The following IMMP2L variants were observed in gnomAD, a reference collection of about 807,000 sequenced individuals.
IMMP2L encodes inner mitochondrial membrane peptidase subunit 2.
A neutral mutation model predicts 19.3 loss-of-function variants in IMMP2L; 18 were observed. That is an observed-to-expected ratio of 0.93 (90% confidence interval 0.64 to 1.38). The LOEUF (loss-of-function observed/expected upper bound fraction) is 1.38, where lower values mean the gene tolerates loss of function less well. Among genes scored for constraint, IMMP2L ranks in the 40% most tolerant of loss-of-function variants. The pLI, the probability that IMMP2L is intolerant of heterozygous loss-of-function variation, is 0.00. For missense variants in IMMP2L, 233 were observed against 218.2 expected (o/e 1.07, Z -0.43); for synonymous variants, 76 against 73.0 (o/e 1.04, Z -0.21).
At chr7:111,396,679 G>A (rs1158300048) in intron 3 of IMMP2L, among the ~76,000 whole-genome samples, 2 of 152,076 alleles carry the variant, frequency 1.3e-5, no homozygotes, top group Non-Finnish European at 2.9e-5. Context: ...AAATGAAAAA[G>A]AATAGATAAA....
chr7:111,393,665 T>A (rs192453338), intron 3 of IMMP2L, among the ~76,000 whole-genome samples: 1 of 152,176 alleles, frequency 6.6e-6, no homozygotes, highest in Admixed American at 6.5e-5. Flanking sequence ...TTTCTCAATG[T>A]TCTTTTTCTG....
intron 3 of IMMP2L, among the ~76,000 whole-genome samples, chr7:111,174,854 C>T (rs932189166): frequency 6.6e-6 from 1 of 151,720 alleles, no homozygotes; most frequent in East Asian, 1.9e-4. Context: ...ATATAACACT[C>T]AGCATTAAAA....
intron 4 of IMMP2L, chr7:110,963,153 G>C (rs898912293): frequency 2.7e-5 from 36 of 1,354,490 alleles, no homozygotes; most frequent in Non-Finnish European, 3.2e-5. Flanking sequence ...AAATGTTCTT[G>C]AATTTTTTTA....
At chr7:111,283,489 G>A (rs1468220324) in intron 3 of IMMP2L, among the ~76,000 whole-genome samples, 2 of 152,172 alleles carry the variant, frequency 1.3e-5, no homozygotes, top group South Asian at 4.1e-4. Flanking sequence ...AGGTGTTGAA[G>A]TGAATGATAA....
chr7:110,820,513 T>C (rs2131329580), intron 5 of IMMP2L, among the ~76,000 whole-genome samples: 1 of 152,116 alleles, frequency 6.6e-6, no homozygotes, highest in Non-Finnish European at 1.5e-5. Flanking sequence ...ACACAGTAAC[T>C]AGTAAGTATT....
chr7:111,349,157 A>G (rs568542159), intron 3 of IMMP2L, among the ~76,000 whole-genome samples: 63 of 152,270 alleles, frequency 4.1e-4, no homozygotes, highest in Admixed American at 4.1e-3. Flanking sequence ...CCAGAGCTCT[A>G]ATTACCAGAA....
At chr7:111,212,736 G>A (rs1811462836) in intron 3 of IMMP2L, among the ~76,000 whole-genome samples, 1 of 152,184 alleles carries the variant, frequency 6.6e-6, no homozygotes, top group Non-Finnish European at 1.5e-5. Context: ...AAAAATAATT[G>A]TTACACACAG....
intron 1 of IMMP2L, among the ~76,000 whole-genome samples, chr7:111,529,623 G>T (rs1563317125): frequency 6.6e-6 from 1 of 152,084 alleles, no homozygotes; most frequent in South Asian, 2.1e-4. Context: ...AATAATAAAG[G>T]AGGAGAAATG....
chr7:111,226,491 A>G (rs577230999), intron 3 of IMMP2L, among the ~76,000 whole-genome samples: 3 of 152,046 alleles, frequency 2.0e-5, no homozygotes, highest in Admixed American at 6.6e-5. Flanking sequence ...TTAATAAATT[A>G]CTTGCAAACA....
At chr7:111,295,321 TAAG>T (rs1821510601) in intron 3 of IMMP2L, among the ~76,000 whole-genome samples, 1 of 151,794 alleles carries the variant, frequency 6.6e-6, no homozygotes, top group South Asian at 2.1e-4. Flanking sequence ...GGACCACAGA[TAAG>T]AACCAAAAAG....
At chr7:111,009,359 TATATGC>T (rs1181597129) in intron 3 of IMMP2L, among the ~76,000 whole-genome samples, 2 of 152,122 alleles carry the variant, frequency 1.3e-5, no homozygotes, top group Non-Finnish European at 2.9e-5. Context: ...GTTCAGAACA[TATATGC>T]ATTTTTTTCT....
intron 1 of IMMP2L, among the ~76,000 whole-genome samples, chr7:111,529,374 T>C (rs1006838878): frequency 2.0e-5 from 3 of 152,196 alleles, no homozygotes; most frequent in African/African-American, 7.2e-5. Flanking sequence ...TCCTGGCAAG[T>C]AATCTATAGA....
intron 5 of IMMP2L, among the ~76,000 whole-genome samples, chr7:110,839,954 G>A (rs889089120): frequency 2.0e-5 from 3 of 152,004 alleles, no homozygotes; most frequent in Non-Finnish European, 4.4e-5. Context: ...AGTGCTCCTG[G>A]ATGAGTCTTT....
At chr7:110,770,875 C>T (rs997380839) in intron 5 of IMMP2L, among the ~76,000 whole-genome samples, 1 of 152,118 alleles carries the variant, frequency 6.6e-6, no homozygotes, top group African/African-American at 2.4e-5. Flanking sequence ...GAATATCTGT[C>T]TGGCAAAATC....
chr7:111,004,658 T>A (rs964532974), intron 3 of IMMP2L, among the ~76,000 whole-genome samples: 1 of 152,114 alleles, frequency 6.6e-6, no homozygotes, highest in African/African-American at 2.4e-5. Context: ...CACAGCTGAA[T>A]AAAATAGCGT....
intron 3 of IMMP2L, among the ~76,000 whole-genome samples, chr7:111,269,101 T>G (rs942314780): frequency 6.6e-6 from 1 of 152,178 alleles, no homozygotes; most frequent in Admixed American, 6.5e-5. Flanking sequence ...TGCCAGTGTC[T>G]GAGATCCATA....
In IMMP2L at chr7:110,803,209, A is replaced by G. The variant is rs1281075530; in HGVS notation, c.408+83384T>C. On this transcript the variant is annotated intron_variant, in intron 5 of 5. Transcript: ENST00000405709. The surrounding 1 kb of genome is among the most constrained non-coding windows in gnomAD (Gnocchi z 4.2). ...AATGGACATAATCTCTGAGATAGGA[A>G]TGAATAGTAGGAGCTGTGTAGGGGA... Among the ~76,000 whole-genome samples, 1 of 152,006 alleles carries G rather than the reference A, an allele frequency of 6.6e-6. No individual in the cohort carries two copies. The highest frequency in any genetic ancestry group is 1.5e-5 in the Non-Finnish European group (1 of 67,966).
intron 3 of IMMP2L, among the ~76,000 whole-genome samples, chr7:111,482,029 A>G (rs765138927): frequency 2.0e-5 from 3 of 152,210 alleles, no homozygotes; most frequent in Non-Finnish European, 2.9e-5. Context: ...CAATCTCATA[A>G]ACTAAAACTG....
chr7:110,796,412 A>G (rs1800866067), intron 5 of IMMP2L, among the ~76,000 whole-genome samples: 1 of 152,004 alleles, frequency 6.6e-6, no homozygotes, highest in South Asian at 2.1e-4. Flanking sequence ...TTCCAACACA[A>G]CAATTCAAAA....
Sources: allele counts gnomAD v4.1 joint callset (sites outside exome capture counted in the v4.1 genomes callset), GRCh38; gene constraint gnomAD v4.1.1; non-coding constraint Gnocchi (gnomAD v3.1); transcripts MANE v1.5; gene names NCBI Gene and HGNC (gene_info 2026-07-23, HGNC 2026-07-21).